The following GRIN3A variants were observed in gnomAD, a reference collection of about 807,000 sequenced individuals.
GRIN3A encodes the protein glutamate ionotropic receptor NMDA type subunit 3A, also known as glutamate receptor ionotropic, NMDA 3A.
In GRIN3A, 47 loss-of-function variants were observed where a neutral mutation model predicts 92.4. That is an observed-to-expected ratio of 0.51 (90% confidence interval 0.40 to 0.65). The LOEUF (loss-of-function observed/expected upper bound fraction) is 0.65. GRIN3A is among the 30% of genes least tolerant of loss of function. The pLI is 0.00. For synonymous variants in GRIN3A, 527 were observed against 540.6 expected (o/e 0.97, Z 0.35); for missense variants, 1,324 against 1,393.1 (o/e 0.95, Z 0.79).
At chr9:101,735,285 A>C (rs1489383564) in intron 1 of GRIN3A, among the ~76,000 whole-genome samples, 1 of 151,922 alleles carries the variant, frequency 6.6e-6, no homozygotes, top group Non-Finnish European at 1.5e-5. Context: ...TGTGCCATGA[A>C]GGTAACAGTG....
In GRIN3A at chr9:101,721,820, G is replaced by A. The variant is rs554584564; in HGVS notation, c.699+15461C>T. Among the ~76,000 whole-genome samples the A allele has an allele frequency of 1.8e-3, 274 of 152,286 alleles. 1 individual carries two copies. The highest frequency in any genetic ancestry group is 4.1e-3 in the African/African-American group (171 of 41,572). ...GAAATTTCTAAGCAGCAAAGCATTC[G>A]AAAGGTGACTTGGGTGCTGTTAAAA... On this transcript the variant is annotated intron_variant, in intron 1 of 8. Transcript: ENST00000361820.
At chr9:101,588,285 A>G (rs1339740836) in intron 6 of GRIN3A, among the ~76,000 whole-genome samples, 1 of 152,246 alleles carries the variant, frequency 6.6e-6, no homozygotes, top group Admixed American at 6.5e-5. Flanking sequence ...ACAGAAGAGG[A>G]GATAATTTAT....
chr9:101,596,976 T>C (rs1276140740), intron 6 of GRIN3A, among the ~76,000 whole-genome samples: 1 of 152,198 alleles, frequency 6.6e-6, no homozygotes, highest in Non-Finnish European at 1.5e-5. Flanking sequence ...CTTATGAGAC[T>C]GCGTGGGCCA....
At chr9:101,686,163 G>T (rs1420049705) in intron 2 of GRIN3A, among the ~76,000 whole-genome samples, 3 of 152,034 alleles carry the variant, frequency 2.0e-5, no homozygotes, top group Admixed American at 6.5e-5. Context: ...GAAAAGAGTG[G>T]GTAGGAAAAG....
chr9:101,688,698 C>T (rs1829573096), intron 1 of GRIN3A, among the ~76,000 whole-genome samples: 1 of 152,054 alleles, frequency 6.6e-6, no homozygotes, highest in Admixed American at 6.6e-5. Context: ...GAGGCAGGAT[C>T]ACTTGAGGTC....
intron 1 of GRIN3A, among the ~76,000 whole-genome samples, chr9:101,712,255 A>G (rs778450979): frequency 3.3e-5 from 5 of 152,176 alleles, no homozygotes; most frequent in Non-Finnish European, 5.9e-5. Context: ...CAATACACTT[A>G]CTATCTGATG....
At chr9:101,674,848 A>G (rs2118958733) in intron 2 of GRIN3A, among the ~76,000 whole-genome samples, 1 of 152,178 alleles carries the variant, frequency 6.6e-6, no homozygotes, top group East Asian at 1.9e-4. Flanking sequence ...AGAGCAGGGT[A>G]GAAAAATATT....
intron 3 of GRIN3A, among the ~76,000 whole-genome samples, chr9:101,661,231 G>A (rs1295634025): frequency 6.6e-6 from 1 of 151,738 alleles, no homozygotes; most frequent in East Asian, 1.9e-4. Context: ...CACCACTATT[G>A]TCTCATGTCT....
intron 2 of GRIN3A, among the ~76,000 whole-genome samples, chr9:101,684,680 G>A (rs1328354386): frequency 1.3e-5 from 2 of 152,088 alleles, no homozygotes; most frequent in Non-Finnish European, 2.9e-5. Context: ...GGTAAAATGA[G>A]ACCCTAAGGT....
intron 1 of GRIN3A, among the ~76,000 whole-genome samples, chr9:101,692,759 A>G (rs1213251566): frequency 1.3e-5 from 2 of 152,162 alleles, no homozygotes; most frequent in African/African-American, 2.4e-5. Context: ...TCTGTTTCTC[A>G]TTATCTCACA....
intron 3 of GRIN3A, among the ~76,000 whole-genome samples, chr9:101,647,397 G>A (rs1828951109): frequency 6.6e-6 from 1 of 151,764 alleles, no homozygotes; most frequent in Admixed American, 6.6e-5. Context: ...TGGTTTGATA[G>A]CACTTTGTTG....
At chr9:101,622,202 T>C (rs1828566641) in intron 5 of GRIN3A, among the ~76,000 whole-genome samples, 1 of 152,210 alleles carries the variant, frequency 6.6e-6, no homozygotes, top group Non-Finnish European at 1.5e-5. Flanking sequence ...TTTAATCTGC[T>C]GATATATTTA....
intron 3 of GRIN3A, among the ~76,000 whole-genome samples, chr9:101,668,506 C>T (rs1362187330): frequency 6.6e-6 from 1 of 151,960 alleles, no homozygotes; most frequent in Non-Finnish European, 1.5e-5. Flanking sequence ...ACTCCTGGGG[C>T]AAAGAATAAA....
At chr9:101,726,851 G>C (rs1196764183) in intron 1 of GRIN3A, among the ~76,000 whole-genome samples, 1 of 151,984 alleles carries the variant, frequency 6.6e-6, no homozygotes, top group Non-Finnish European at 1.5e-5. Context: ...TCATGTGCTT[G>C]AGAAACTGAC....
chr9:101,647,388 G>T (rs560765739), intron 3 of GRIN3A, among the ~76,000 whole-genome samples: 36 of 151,808 alleles, frequency 2.4e-4, no homozygotes, highest in South Asian at 8.3e-4. Flanking sequence ...TGTTGAATTT[G>T]GTTTGATAGC....
intron 3 of GRIN3A, among the ~76,000 whole-genome samples, chr9:101,639,321 T>G (rs2118898085): frequency 6.6e-6 from 1 of 152,194 alleles, no homozygotes; most frequent in Non-Finnish European, 1.5e-5. Flanking sequence ...AGGCCAGAAC[T>G]GATGCTATAG....
intron 6 of GRIN3A, among the ~76,000 whole-genome samples, chr9:101,581,113 A>G (rs1293897440): frequency 1.3e-5 from 2 of 152,222 alleles, no homozygotes; most frequent in African/African-American, 4.8e-5. Context: ...CTTTCCTTTT[A>G]AACAGCTTGA....
chr9:101,638,415 A>G (rs1374127870), intron 3 of GRIN3A, among the ~76,000 whole-genome samples: 9 of 152,184 alleles, frequency 5.9e-5, no homozygotes, highest in African/African-American at 2.2e-4. Flanking sequence ...ATTCATCTGG[A>G]GCAATCTATC....
intron 3 of GRIN3A, among the ~76,000 whole-genome samples, chr9:101,664,500 T>G (rs1829213794): frequency 2.0e-5 from 3 of 151,910 alleles, no homozygotes; most frequent in South Asian, 4.1e-4. Context: ...CAAAAAGAGT[T>G]AAGTGAGGAT....
Sources: allele counts gnomAD v4.1 joint callset (sites outside exome capture counted in the v4.1 genomes callset), GRCh38; gene constraint gnomAD v4.1.1; transcripts MANE v1.5; gene names NCBI Gene and HGNC (gene_info 2026-07-23, HGNC 2026-07-21).